Variants in SLC23A2 observed in about 807,000 individuals in gnomAD.
The protein encoded by SLC23A2 is solute carrier family 23 member 2.
In SLC23A2, 36 loss-of-function variants were observed where a neutral mutation model predicts 73.3. That is an observed-to-expected ratio of 0.49 (90% confidence interval 0.38 to 0.65). The LOEUF is 0.65. SLC23A2 is among the 30% of genes least tolerant of loss of function. SLC23A2 has a pLI of 0.00. For synonymous variants in SLC23A2, 343 were observed against 327.3 expected (o/e 1.05, Z -0.52); for missense variants, 507 against 841.6 (o/e 0.60, Z 4.92).
intron 3 of SLC23A2, among the ~76,000 whole-genome samples, chr20:4,924,812 T>C (rs1433852722): frequency 6.6e-6 from 1 of 152,244 alleles, no homozygotes; most frequent in Non-Finnish European, 1.5e-5. Context: ...CCTTATTTTT[T>C]TCCCTAGTGT....
intron 3 of SLC23A2, among the ~76,000 whole-genome samples, chr20:4,914,718 A>T (rs139439152): frequency 6.6e-6 from 1 of 152,286 alleles, no homozygotes; most frequent in East Asian, 1.9e-4. Context: ...ATTATTATAC[A>T]CTCATTTAGA....
At chr20:4,992,958 C>T (rs1240076466) in intron 1 of SLC23A2, among the ~76,000 whole-genome samples, 1 of 152,016 alleles carries the variant, frequency 6.6e-6, no homozygotes, top group Non-Finnish European at 1.5e-5. Flanking sequence ...AAATTCAGTA[C>T]TTTCTGAGTG....
Position 5,006,547 on chromosome 20 carries a change from T to TTTTATTTATTTATTTATTTATTTA in SLC23A2, c.-282+3611_-282+3634dup, listed in dbSNP as rs78731557. ...GGCAAATGTTCATCTGTAAAAGCCA[T>TTTTATTTATTTATTTATTTATTTA]TTTATTTATTTATTTATTTATTTAT... is the stretch of plus-strand genomic sequence containing the variant. On this transcript the variant is annotated intron_variant, in intron 1 of 16. Coordinates refer to the SLC23A2 transcript ENST00000379333. Among the ~76,000 whole-genome samples the TTTTATTTATTTATTTATTTATTTA allele has an allele frequency of 2.7e-5, 4 of 147,628 alleles. No individual in the cohort carries two copies. The South Asian group carries it at 6.6e-4, about 24-fold the overall frequency.
chr20:4,856,274 G>A lies in SLC23A2; in HGVS notation c.*698C>T, dbSNP rs571457144. 6.6e-6 allele frequency: 1 copy of A among 152,334 alleles called. No homozygotes were observed. Among genetic ancestry groups the A allele is most frequent in the African/African-American group, 2.4e-5 (1 of 41,546 alleles). 9.4% of individuals were successfully genotyped at this position (152,334 alleles called of 1,614,324 possible). On this transcript the variant is annotated 3_prime_UTR_variant, in exon 17 of 17. Transcript: ENST00000338244. This position sits in a 1 kb window ranked among gnomAD's most constrained non-coding sequence, Gnocchi z 4.6. ...GTGTGCACGTGCTGGCCCGGTCAGG[G>A]CCAGGGTGGCCAAGAGAAGGTGCAG...
chr20:4,996,297 T>C (rs1331071567), intron 1 of SLC23A2, among the ~76,000 whole-genome samples: 2 of 152,064 alleles, frequency 1.3e-5, no homozygotes, highest in Non-Finnish European at 2.9e-5. Context: ...GTTACACACA[T>C]AGATGGATGA....
At position 4,932,579 on chromosome 20, in the gene SLC23A2, T is replaced by C. The variant is rs765373955; in HGVS notation, c.-17A>G. The C allele has an allele frequency of 1.3e-5, 17 of 1,338,380 alleles. No individual in the cohort carries two copies. The Admixed American group carries it at 2.5e-4, about 20-fold the overall frequency. The allele number at this position is 1,338,380 out of a possible 1,614,324, so 82.9% of individuals were successfully genotyped here. On this transcript the variant is annotated 5_prime_UTR_variant, in exon 3 of 17. Transcript: ENST00000338244. ...ACCCATCATTAAGAGAAACGAGTAG[T>C]TTACACAGCCGTTGGGGAGAGCAGC...
intron 2 of SLC23A2, among the ~76,000 whole-genome samples, chr20:4,960,911 C>T (rs543085580): frequency 6.6e-6 from 1 of 152,192 alleles, no homozygotes; most frequent in Admixed American, 6.5e-5. Flanking sequence ...TGAAATGTCA[C>T]AATTAAAAGC....
At chr20:4,941,908 G>T (rs575788953) in intron 2 of SLC23A2, among the ~76,000 whole-genome samples, 9 of 152,190 alleles carry the variant, frequency 5.9e-5, no homozygotes, top group Non-Finnish European at 8.8e-5. Flanking sequence ...TGTAAAGTAT[G>T]TGGCCATGTA....
intron 6 of SLC23A2, among the ~76,000 whole-genome samples, chr20:4,889,764 C>T (rs1173802987): frequency 2.0e-5 from 3 of 152,046 alleles, no homozygotes; most frequent in Non-Finnish European, 4.4e-5. Flanking sequence ...CACCCACCAT[C>T]TTGACCCACC....
chr20:4,900,594 G>A (rs1180983622), intron 5 of SLC23A2, among the ~76,000 whole-genome samples: 1 of 152,136 alleles, frequency 6.6e-6, no homozygotes, highest in Non-Finnish European at 1.5e-5. Flanking sequence ...AGTTACATAC[G>A]CATGGAGTGT....
chr20:4,940,918 G>A (rs570002886), intron 2 of SLC23A2, among the ~76,000 whole-genome samples: 13 of 152,310 alleles, frequency 8.5e-5, no homozygotes, highest in African/African-American at 2.6e-4. Flanking sequence ...CACTTCGGGA[G>A]GCCAAGGCAG....
rs1032194588 is a variant in SLC23A2, at chr20:4,885,702, G to A, written c.571+119C>T. The A allele has an allele frequency of 1.4e-5, 10 of 727,884 alleles. No individual in the cohort carries two copies. In the Admixed American group the frequency reaches 2.1e-4, roughly 15 times the overall value. 45.1% of individuals were successfully genotyped at this position (727,884 alleles called of 1,614,324 possible). On this transcript the variant is annotated intron_variant, in intron 7 of 16. Coordinates refer to ENST00000338244, the MANE Select transcript of SLC23A2 (RefSeq NM_005116.6). ...AGCATTCTAAGCTGTTTGTGGGTTT[G>A]TGTGCTTTGTCCCTAATTCTTGAAA...
intron 2 of SLC23A2, among the ~76,000 whole-genome samples, chr20:4,955,845 TA>T (rs552938835): frequency 5.5e-4 from 81 of 147,880 alleles, no homozygotes; most frequent in East Asian, 1.2e-3. Flanking sequence ...GATTGAGCTT[TA>T]AAAAAAAAAA....
rs371207930 is a variant in SLC23A2 at position 4,961,666 on chromosome 20, T to C, written c.-155+9127A>G. Among the ~76,000 whole-genome samples, 3 of 152,308 alleles carry C rather than the reference T, an allele frequency of 2.0e-5. No individual in the cohort carries two copies. In the East Asian group the frequency reaches 5.8e-4, roughly 29 times the overall value. ...TTTATTTCAGATAAGGACAGGCCAC[T>C]GAACACATGACTGAGATTCCAGCCC... On this transcript the variant is annotated intron_variant, in intron 2 of 16. Coordinates refer to ENST00000338244, the MANE Select transcript of SLC23A2 (RefSeq NM_005116.6).
At chr20:4,881,914 T>C (rs914407103) in intron 9 of SLC23A2, among the ~76,000 whole-genome samples, 2 of 152,154 alleles carry the variant, frequency 1.3e-5, no homozygotes, top group Non-Finnish European at 2.9e-5. Flanking sequence ...GCTTTGTGGG[T>C]TTTGTTCATC....
chr20:4,934,586 G>A (rs1320341689), intron 2 of SLC23A2, among the ~76,000 whole-genome samples: 1 of 152,164 alleles, frequency 6.6e-6, no homozygotes, highest in Non-Finnish European at 1.5e-5. Flanking sequence ...TTCTGGCCAG[G>A]TGTGGTAGCT....
chr20:4,937,216 A>G (rs1269654608), intron 2 of SLC23A2, among the ~76,000 whole-genome samples: 1 of 152,116 alleles, frequency 6.6e-6, no homozygotes, highest in Non-Finnish European at 1.5e-5. Context: ...AATGCAACAG[A>G]TAAAAGGGGA....
In SLC23A2 at chr20:4,869,682, C is replaced by T. The variant is rs572652143; in HGVS notation, c.1250+224G>A. On this transcript the variant is annotated intron_variant, in intron 12 of 16. Coordinates refer to ENST00000338244, the MANE Select transcript of SLC23A2 (RefSeq NM_005116.6). The stretch of plus-strand genomic sequence containing the variant: ...TGCAATTAAGGAAGGGTAGGAATTC[C>T]GTTCCACGTCATGGACGAGGAAAAT... The T allele has an allele frequency of 1.3e-4, 62 of 482,358 alleles. No individual in the cohort carries two copies. The Middle Eastern group carries it at 2.1e-3, about 17-fold the overall frequency. The allele number at this position is 482,358 out of a possible 1,614,324, so 29.9% of individuals were successfully genotyped here.
upstream of SLC23A2, among the ~76,000 whole-genome samples, chr20:5,005,036 T>TAAATAAAA (rs1447309236): frequency 4.5e-4 from 67 of 150,038 alleles, 1 homozygote; most frequent in Admixed American, 3.8e-3. Context: ...AATAAATAAA[T>TAAATAAAA]AAAAATTTAA....
Sources: allele counts gnomAD v4.1 joint callset (sites outside exome capture counted in the v4.1 genomes callset), GRCh38; gene constraint gnomAD v4.1.1; non-coding constraint Gnocchi (gnomAD v3.1); transcripts MANE v1.5; gene names NCBI Gene and HGNC (gene_info 2026-07-23, HGNC 2026-07-21).